Variants in PAK5 observed in about 807,000 individuals in gnomAD.
The protein encoded by PAK5 is p21 (RAC1) activated kinase 5.
Under a neutral mutation model 65.9 loss-of-function variants are expected in PAK5, and 16 were observed. The observed-to-expected ratio is 0.24, with a 90% CI of 0.16 to 0.37. The LOEUF is 0.37. PAK5 is among the 10% of genes least tolerant of loss of function. The probability of loss-of-function intolerance (pLI) is 1.00; values close to 1 mark genes in which losing one functional copy is unlikely to be tolerated. For synonymous variants in PAK5, 371 were observed against 354.9 expected, an observed-to-expected ratio of 1.05 and a Z score of -0.51; for missense variants, 785 against 903.9, an observed-to-expected ratio of 0.87 and a Z score of 1.69.
intron 1 of PAK5, among the ~76,000 whole-genome samples, chr20:9,763,769 C>T (rs1569077836): frequency 6.6e-6 from 1 of 152,180 alleles, no homozygotes; most frequent in Non-Finnish European, 1.5e-5. Context: ...AATGCCCAGA[C>T]AACCTTCACC....
intron 1 of PAK5, among the ~76,000 whole-genome samples, chr20:9,785,157 G>T (rs770151909): frequency 6.6e-6 from 1 of 152,026 alleles, no homozygotes; most frequent in Non-Finnish European, 1.5e-5. Context: ...TATGCTCATC[G>T]TAAGAATTCT....
At position 9,654,393 on chromosome 20, in the gene PAK5, C is replaced by G. The variant is rs1344605263; in HGVS notation, c.-11-10054G>C. Among the ~76,000 whole-genome samples the G allele has an allele frequency of 1.1e-4, 16 of 152,274 alleles. No individual in the cohort carries two copies. In the East Asian group the frequency reaches 3.1e-3, roughly 29 times the overall value. ...TATTTTAAAGTTATCTTATTAGCAA[C>G]CTTAATTCCCCTTACAGATTTCAGG... On this transcript the variant is annotated intron_variant, in intron 2 of 9. Transcript: ENST00000353224.
chr20:9,609,397 C>T (rs956445263), intron 3 of PAK5, among the ~76,000 whole-genome samples: 17 of 152,212 alleles, frequency 1.1e-4, no homozygotes, highest in Admixed American at 7.2e-4. Context: ...TTTAACCTCG[C>T]ATAGGTGCCC....
intron 3 of PAK5, among the ~76,000 whole-genome samples, chr20:9,585,087 T>G (rs1197068368): frequency 3.3e-5 from 5 of 152,214 alleles, no homozygotes; most frequent in African/African-American, 4.8e-5. Context: ...TTAACTATAT[T>G]AGATTTTTTT....
intron 1 of PAK5, among the ~76,000 whole-genome samples, chr20:9,788,846 G>C (rs2049020340): frequency 6.6e-6 from 1 of 152,070 alleles, no homozygotes; most frequent in Non-Finnish European, 1.5e-5. Context: ...TAAACCCAGG[G>C]GGGTAAAACT....
chr20:9,567,720 C>T (rs2045705939), intron 4 of PAK5, among the ~76,000 whole-genome samples: 1 of 152,200 alleles, frequency 6.6e-6, no homozygotes. Context: ...AATGATATCT[C>T]TGCCCTCCTG....
At chr20:9,725,941 GAAA>G (rs1228298343) in intron 1 of PAK5, among the ~76,000 whole-genome samples, 2 of 151,674 alleles carry the variant, frequency 1.3e-5, no homozygotes, top group African/African-American at 4.8e-5. Flanking sequence ...TCAGTAATAA[GAAA>G]AAAAATTAAT....
At chr20:9,786,338 C>T (rs910008657) in intron 1 of PAK5, among the ~76,000 whole-genome samples, 1 of 152,056 alleles carries the variant, frequency 6.6e-6, no homozygotes, top group African/African-American at 2.4e-5. Flanking sequence ...CCAGGAAGTG[C>T]TCAACAAACA....
intron 3 of PAK5, among the ~76,000 whole-genome samples, chr20:9,639,175 T>A (rs1053470454): frequency 6.6e-6 from 1 of 152,198 alleles, no homozygotes; most frequent in Non-Finnish European, 1.5e-5. Flanking sequence ...GTAAGATTTT[T>A]CCAGAGAAGC....
chr20:9,772,650 A>T (rs773991028), intron 1 of PAK5, among the ~76,000 whole-genome samples: 6 of 152,234 alleles, frequency 3.9e-5, no homozygotes, highest in Non-Finnish European at 7.3e-5. Context: ...GATCAGCATG[A>T]TTGCTTTTCA....
intron 1 of PAK5, among the ~76,000 whole-genome samples, chr20:9,712,968 T>TG (rs972081873): frequency 7.9e-5 from 12 of 152,048 alleles, no homozygotes; most frequent in African/African-American, 2.9e-4. Flanking sequence ...CAAAGATTTT[T>TG]GGGGTAAGAC....
At chr20:9,701,911 G>C (rs573921923) in intron 2 of PAK5, among the ~76,000 whole-genome samples, 1 of 151,986 alleles carries the variant, frequency 6.6e-6, no homozygotes, top group Non-Finnish European at 1.5e-5. Flanking sequence ...GAGATAGGAG[G>C]ACTGCTTGAG....
chr20:9,603,431 T>G (rs192553835), intron 3 of PAK5, among the ~76,000 whole-genome samples: 57 of 152,300 alleles, frequency 3.7e-4, no homozygotes, highest in African/African-American at 1.2e-3. Flanking sequence ...GACTCCAAGT[T>G]CTGCCCTATT....
intron 1 of PAK5, among the ~76,000 whole-genome samples, chr20:9,739,388 G>A (rs1171976170): frequency 6.6e-6 from 1 of 151,988 alleles, no homozygotes; most frequent in Non-Finnish European, 1.5e-5. Context: ...AAACTTGCAT[G>A]CATTTGGAGT....
intron 1 of PAK5, among the ~76,000 whole-genome samples, chr20:9,741,819 T>C (rs1386662580): frequency 6.6e-6 from 1 of 151,804 alleles, no homozygotes; most frequent in Non-Finnish European, 1.5e-5. Context: ...GAATCTTTGA[T>C]ACATCCACTT....
intron 6 of PAK5, among the ~76,000 whole-genome samples, chr20:9,560,662 A>G (rs1224139945): frequency 6.6e-6 from 1 of 152,176 alleles, no homozygotes; most frequent in Non-Finnish European, 1.5e-5. Context: ...ATGCCTGGCC[A>G]ATAATATTTT....
intron 8 of PAK5, among the ~76,000 whole-genome samples, chr20:9,543,481 C>T (rs181293623): frequency 3.9e-5 from 6 of 152,114 alleles, no homozygotes; most frequent in African/African-American, 7.2e-5. Flanking sequence ...TGACCTTCAC[C>T]GAGAATTTCT....
chr20:9,651,807 CT>C (rs1480290928), intron 2 of PAK5, among the ~76,000 whole-genome samples: 1 of 152,128 alleles, frequency 6.6e-6, no homozygotes, highest in African/African-American at 2.4e-5. Context: ...TTAGAAAATC[CT>C]TTTGTCCATA....
At chr20:9,802,314 A>G (rs926422796) in intron 1 of PAK5, among the ~76,000 whole-genome samples, 1 of 152,106 alleles carries the variant, frequency 6.6e-6, no homozygotes, top group Non-Finnish European at 1.5e-5. Flanking sequence ...GGAGGTCTTA[A>G]TGGGCTAGTG....
Sources: allele counts gnomAD v4.1 joint callset (sites outside exome capture counted in the v4.1 genomes callset), GRCh38; gene constraint gnomAD v4.1.1; transcripts MANE v1.5; gene names NCBI Gene and HGNC (gene_info 2026-07-23, HGNC 2026-07-21).